Variants in NMNAT2 observed in about 807,000 individuals in gnomAD.
The protein encoded by NMNAT2 is nicotinamide/nicotinic acid mononucleotide adenylyltransferase 2.
Under a neutral mutation model 41.6 loss-of-function variants are expected in NMNAT2, and 11 were observed. The observed-to-expected ratio is 0.26, with a 90% CI of 0.17 to 0.44. The LOEUF is 0.44. NMNAT2 is among the 20% of genes least tolerant of loss of function. The pLI is 1.00. For missense variants in NMNAT2, 288 were observed against 407.7 expected (o/e 0.71, Z 2.53); for synonymous variants, 148 against 151.2 (o/e 0.98, Z 0.16).
At chr1:183,385,881 G>A (rs1042947668) in intron 1 of NMNAT2, among the ~76,000 whole-genome samples, 15 of 152,160 alleles carry the variant, frequency 9.9e-5, no homozygotes, top group African/African-American at 3.6e-4. Context: ...CACAGTGCCT[G>A]TCCTCAGGAT....
chr1:183,355,753 C>G (rs1011252546), intron 1 of NMNAT2, among the ~76,000 whole-genome samples: 14 of 152,200 alleles, frequency 9.2e-5, no homozygotes, highest in Admixed American at 5.9e-4. Context: ...GCCTCCAGCC[C>G]GGATTGTGCT....
intron 1 of NMNAT2, among the ~76,000 whole-genome samples, chr1:183,387,399 G>T (rs1404303146): frequency 6.6e-6 from 1 of 152,058 alleles, no homozygotes; most frequent in Non-Finnish European, 1.5e-5. Context: ...GTAGTTTTGG[G>T]CCATTTACCA....
intron 1 of NMNAT2, among the ~76,000 whole-genome samples, chr1:183,375,095 C>T (rs1663643445): frequency 6.6e-6 from 1 of 152,168 alleles, no homozygotes; most frequent in Non-Finnish European, 1.5e-5. Flanking sequence ...AGGACAATCA[C>T]CACAGCTTCC....
At chr1:183,322,962 T>C (rs957833208) in intron 1 of NMNAT2, among the ~76,000 whole-genome samples, 2 of 152,118 alleles carry the variant, frequency 1.3e-5, no homozygotes, top group Admixed American at 6.5e-5. Flanking sequence ...GATGGAGTCT[T>C]GCTCTGTCAT....
intron 1 of NMNAT2, among the ~76,000 whole-genome samples, chr1:183,349,289 C>T (rs1052009778): frequency 2.6e-5 from 4 of 152,370 alleles, no homozygotes; most frequent in South Asian, 2.1e-4. Flanking sequence ...TAGCTGCCTC[C>T]GCTCTTTCAG....
rs549714150 is a variant in NMNAT2, at chr1:183,249,094, G to A, written c.*3547C>T. 1.3e-5 allele frequency: 2 copies of A among 152,332 alleles called. No homozygotes were observed. Among genetic ancestry groups the A allele is most frequent in the African/African-American group, 4.8e-5 (2 of 41,576 alleles). 9.4% of individuals were successfully genotyped at this position (152,332 alleles called of 1,614,324 possible). On this transcript the variant is annotated 3_prime_UTR_variant, in exon 11 of 11. Transcript: ENST00000287713. ...TGAGAAGCTGGAGCTTGAAACTAGA[G>A]AACATTGTTGAAAGGCTGGCCAAGC...
At chr1:183,266,712 C>T (rs1000352691) in intron 8 of NMNAT2, 2 of 198,670 alleles carry the variant, frequency 1.0e-5, no homozygotes, top group African/African-American at 2.4e-5. Flanking sequence ...GTGAGTCTTG[C>T]TAATCTGCAG....
rs1200242315 is a variant in NMNAT2 at position 183,404,358 on chromosome 1, G to A, written c.85+13825C>T. Reference sequence around the variant, plus strand: ...ACCTGCGTTGGCCTCCCAAAGTGCTGGGATTACAGGCGTGAGCCACTGCAC... The same window carrying A: ...ACCTGCGTTGGCCTCCCAAAGTGCTAGGATTACAGGCGTGAGCCACTGCAC... On this transcript the variant is annotated intron_variant, in intron 1 of 10. Coordinates refer to ENST00000287713, the MANE Select transcript of NMNAT2 (RefSeq NM_015039.4). Among the ~76,000 whole-genome samples, 3 of 152,128 alleles carry A rather than the reference G, an allele frequency of 2.0e-5. No homozygotes were observed. The East Asian group carries it at 5.8e-4, about 29-fold the overall frequency.
intron 1 of NMNAT2, among the ~76,000 whole-genome samples, chr1:183,349,300 G>A (rs1380522685): frequency 6.6e-6 from 1 of 152,222 alleles, no homozygotes; most frequent in Non-Finnish European, 1.5e-5. Context: ...GCTCTTTCAG[G>A]CAGCCTGGGA....
Position 183,290,149 on chromosome 1 carries a change from T to A in NMNAT2, c.300A>T (p.Glu100Asp). ...TCACCTTCATGAGGTCCCGGTGGTGTTCCAACACGCTGCAGGTCGTCTGCC... is the reference window on the plus strand; with the variant it reads ...TCACCTTCATGAGGTCCCGGTGGTGATCCAACACGCTGCAGGTCGTCTGCC... ...DTWQTTCSVL[E>D]HHRDLMKRVT... Residue 100 changes from glutamate to aspartate, a missense_variant, in exon 4 of 11, where the codon GAA becomes GAT. This residue lies in a region of NMNAT2 where 100 missense variants were observed against 168.5 expected (regional missense o/e 0.59). Coordinates refer to ENST00000287713, the MANE Select transcript of NMNAT2 (RefSeq NM_015039.4). 1 of 1,584,144 alleles carries A rather than the reference T, an allele frequency of 6.3e-7. No homozygotes were observed. Among genetic ancestry groups the A allele is most frequent in the Non-Finnish European group, 8.6e-7 (1 of 1,163,946 alleles).
chr1:183,349,333 A>G (rs1386008676), intron 1 of NMNAT2, among the ~76,000 whole-genome samples: 1 of 152,242 alleles, frequency 6.6e-6, no homozygotes, highest in Non-Finnish European at 1.5e-5. Flanking sequence ...ATTCACAGCC[A>G]ACATCTCAAA....
At chr1:183,417,534 T>C (rs915310336) in intron 1 of NMNAT2, among the ~76,000 whole-genome samples, 25 of 152,140 alleles carry the variant, frequency 1.6e-4, no homozygotes, top group Non-Finnish European at 2.9e-5. Flanking sequence ...AGCGGGTCCC[T>C]GAGGCCGAAC....
At chr1:183,400,607 A>T (rs190334095) in intron 1 of NMNAT2, among the ~76,000 whole-genome samples, 4 of 152,166 alleles carry the variant, frequency 2.6e-5, no homozygotes, top group Admixed American at 2.6e-4. Flanking sequence ...CATTGCCAAG[A>T]CAATCCTAAG....
intron 1 of NMNAT2, among the ~76,000 whole-genome samples, chr1:183,401,443 A>G (rs1275581648): frequency 6.6e-6 from 1 of 152,208 alleles, no homozygotes; most frequent in Admixed American, 6.5e-5. Flanking sequence ...GTGGAGAAAT[A>G]GGAAAACTTT....
intron 6 of NMNAT2, 85 bp downstream of exon 6, chr1:183,284,625 G>T: frequency 1.7e-6 from 2 of 1,160,618 alleles, no homozygotes; most frequent in South Asian, 1.2e-5. Context: ...TGGGGGGAAT[G>T]TGCTTGAGGA....
intron 1 of NMNAT2, among the ~76,000 whole-genome samples, chr1:183,406,699 C>T (rs1462235086): frequency 2.6e-5 from 4 of 151,996 alleles, no homozygotes; most frequent in African/African-American, 4.8e-5. Flanking sequence ...TGGTTTTGTT[C>T]GCTCAAAGTA....
chr1:183,338,273 A>C (rs944074539), intron 1 of NMNAT2, among the ~76,000 whole-genome samples: 4 of 144,778 alleles, frequency 2.8e-5, no homozygotes, highest in African/African-American at 1.0e-4. Flanking sequence ...ATCAGGGTGC[A>C]TCTGAAAACT....
intron 1 of NMNAT2, among the ~76,000 whole-genome samples, chr1:183,300,204 C>G (rs192717436): frequency 8.5e-5 from 13 of 152,226 alleles, no homozygotes; most frequent in Admixed American, 5.2e-4. Context: ...GAGTTCGAGA[C>G]CAGCCCGGCC....
intron 7 of NMNAT2, among the ~76,000 whole-genome samples, chr1:183,280,130 C>A (rs992542325): frequency 6.6e-6 from 1 of 152,176 alleles, no homozygotes; most frequent in African/African-American, 2.4e-5. Flanking sequence ...TGGCCCAACT[C>A]CCCAACTGTG....
Sources: allele counts gnomAD v4.1 joint callset (sites outside exome capture counted in the v4.1 genomes callset), GRCh38; gene constraint gnomAD v4.1.1; regional missense constraint gnomAD v4.1.1; transcripts MANE v1.5; gene names NCBI Gene and HGNC (gene_info 2026-07-23, HGNC 2026-07-21).